AFG2A: variants seen among roughly 807,000 people sequenced by gnomAD.
The protein encoded by AFG2A is ATPase family gene 2 protein homolog A.
chr4:123,137,359 T>C, the AFG2A span, among the ~76,000 whole-genome samples: 1 of 152,348 alleles, frequency 6.6e-6, no homozygotes, highest in South Asian at 2.1e-4. Flanking sequence ...AGTGTAATTG[T>C]GGATTTCTCT....
the AFG2A span, among the ~76,000 whole-genome samples, chr4:122,960,636 C>T: frequency 6.6e-6 from 1 of 152,112 alleles, no homozygotes; most frequent in Non-Finnish European, 1.5e-5. Flanking sequence ...CATAACAGAA[C>T]AGGAAGAATT....
At chr4:123,269,854 G>A in the AFG2A span, among the ~76,000 whole-genome samples, 3 of 152,192 alleles carry the variant, frequency 2.0e-5, no homozygotes, top group East Asian at 1.9e-4. Flanking sequence ...GTCTCGCTCT[G>A]TCGCCAAGCT....
chr4:123,200,158 A>G, the AFG2A span, among the ~76,000 whole-genome samples: 13 of 152,192 alleles, frequency 8.5e-5, no homozygotes, highest in Admixed American at 8.5e-4. Flanking sequence ...GGCAATTCAC[A>G]TATTATGATT....
chr4:123,197,570 C>T, the AFG2A span, among the ~76,000 whole-genome samples: 1 of 151,878 alleles, frequency 6.6e-6, no homozygotes, highest in Non-Finnish European at 1.5e-5. Flanking sequence ...GAGTTCGAGA[C>T]CAGCCTGGCC....
chr4:122,957,925 A>G, the AFG2A span, among the ~76,000 whole-genome samples: 6 of 152,234 alleles, frequency 3.9e-5, no homozygotes, highest in Non-Finnish European at 8.8e-5. Flanking sequence ...GTATTTGATT[A>G]GTTGAAGAAT....
At chr4:123,056,673 A>AT in the AFG2A span, among the ~76,000 whole-genome samples, 2 of 152,018 alleles carry the variant, frequency 1.3e-5, no homozygotes, top group African/African-American at 2.4e-5. Flanking sequence ...TAAAACTATC[A>AT]TTTTTTCTGA....
the AFG2A span, among the ~76,000 whole-genome samples, chr4:123,066,500 C>T: frequency 6.6e-6 from 1 of 152,054 alleles, no homozygotes; most frequent in South Asian, 2.1e-4. Flanking sequence ...GACTAGAACT[C>T]ATGTCTTCTG....
At chr4:123,222,261 C>T in the AFG2A span, among the ~76,000 whole-genome samples, 2 of 152,188 alleles carry the variant, frequency 1.3e-5, no homozygotes, top group Non-Finnish European at 2.9e-5. Context: ...CTTTCTCACT[C>T]ATAACACTTT....
At chr4:123,296,047 A>G in the AFG2A span, among the ~76,000 whole-genome samples, 48 of 152,372 alleles carry the variant, frequency 3.2e-4, no homozygotes, top group African/African-American at 1.1e-3. Flanking sequence ...TAACAGAAAT[A>G]GGATAGCATC....
At chr4:122,936,293 A>G in the AFG2A span, 1 of 458,846 alleles carries the variant, frequency 2.2e-6, no homozygotes, top group African/African-American at 2.0e-5. Context: ...TTATAGATCT[A>G]ATGAAATTCT....
the AFG2A span, among the ~76,000 whole-genome samples, chr4:123,036,336 A>G: frequency 1.3e-5 from 2 of 152,196 alleles, no homozygotes; most frequent in Non-Finnish European, 2.9e-5. Flanking sequence ...TGACTGGCAG[A>G]TGGAAGTATC....
chr4:123,235,008 A>G, the AFG2A span, among the ~76,000 whole-genome samples: 1 of 152,306 alleles, frequency 6.6e-6, no homozygotes, highest in Admixed American at 6.5e-5. Flanking sequence ...TATCAAGCAT[A>G]TTGTACATTT....
At chr4:123,200,429 T>C in the AFG2A span, among the ~76,000 whole-genome samples, 1 of 152,242 alleles carries the variant, frequency 6.6e-6, no homozygotes, top group African/African-American at 2.4e-5. Context: ...ATGCTACTTA[T>C]TAATACATGT....
At chr4:123,223,710 A>G in the AFG2A span, among the ~76,000 whole-genome samples, 15 of 152,142 alleles carry the variant, frequency 9.9e-5, no homozygotes, top group Non-Finnish European at 1.9e-4. Flanking sequence ...AACACTAGGG[A>G]TTATGATTTA....
At chr4:123,157,516 A>G in the AFG2A span, among the ~76,000 whole-genome samples, 1 of 152,148 alleles carries the variant, frequency 6.6e-6, no homozygotes, top group African/African-American at 2.4e-5. Flanking sequence ...CTCCCTTAGG[A>G]TGAGGTTATT....
chr4:123,214,988 G>T, the AFG2A span, among the ~76,000 whole-genome samples: 2 of 151,806 alleles, frequency 1.3e-5, no homozygotes, highest in Admixed American at 1.3e-4. Flanking sequence ...ATGTGTGTAG[G>T]GTTTGGCACC....
At chr4:123,042,594 A>G in the AFG2A span, among the ~76,000 whole-genome samples, 3 of 152,036 alleles carry the variant, frequency 2.0e-5, no homozygotes, top group Admixed American at 1.3e-4. Context: ...AATGTCCATA[A>G]TTTTTGTCTG....
At chr4:123,017,686 AT>A in the AFG2A span, among the ~76,000 whole-genome samples, 1 of 152,028 alleles carries the variant, frequency 6.6e-6, no homozygotes, top group Admixed American at 6.6e-5. Context: ...TCTTTTGAAC[AT>A]TGTTGAAAAG....
At chr4:123,034,932 A>G in the AFG2A span, among the ~76,000 whole-genome samples, 2 of 152,336 alleles carry the variant, frequency 1.3e-5, no homozygotes, top group East Asian at 3.9e-4. Flanking sequence ...GGCAAAGAAG[A>G]GTCATGAAGA....
Sources: gnomAD v4.1 joint callset for allele counts (sites outside exome capture counted in the v4.1 genomes callset) on GRCh38, gnomAD v4.1.1 for gene constraint, MANE v1.5 for transcripts, NCBI Gene and HGNC (gene_info 2026-07-23, HGNC 2026-07-21) for gene names.